GLMN: variants seen among roughly 807,000 people sequenced by gnomAD.
GLMN encodes glomulin.
Under a neutral mutation model 87.8 loss-of-function variants are expected in GLMN, and 75 were observed. That is an observed-to-expected ratio of 0.85 (90% CI 0.71 to 1.04). The LOEUF (loss-of-function observed/expected upper bound fraction) is 1.04, where lower values mean the gene tolerates loss of function less well. Among genes scored for constraint, GLMN ranks in the 50% least tolerant of loss-of-function variants. The pLI is 0.00. For synonymous variants in GLMN, 206 were observed against 221.6 expected (o/e 0.93, Z 0.63); for missense variants, 588 against 658.8 (o/e 0.89, Z 1.18).
At chr1:92,329,871 A>G in the GLMN span, among the ~76,000 whole-genome samples, 1 of 152,240 alleles carries the variant, frequency 6.6e-6, no homozygotes. Context: ...TGGTCTCATC[A>G]TAAATCACAT....
At chr1:92,249,086 A>G (rs1309029723) in intron 16 of GLMN, among the ~76,000 whole-genome samples, 3 of 152,118 alleles carry the variant, frequency 2.0e-5, no homozygotes, top group African/African-American at 7.2e-5. Flanking sequence ...AAAACTATAC[A>G]GCCATTAAAA....
intron 11 of GLMN, among the ~76,000 whole-genome samples, 189 bp downstream of exon 11, chr1:92,267,724 C>T (rs930393647): frequency 2.0e-5 from 3 of 151,628 alleles, no homozygotes; most frequent in African/African-American, 7.3e-5. Flanking sequence ...AAAATAGTTC[C>T]TTAGTCACAT....
At chr1:92,360,735 CCTGTT>C in the GLMN span, among the ~76,000 whole-genome samples, 1 of 152,126 alleles carries the variant, frequency 6.6e-6, no homozygotes, top group African/African-American at 2.4e-5. Context: ...CATTTTGCCT[CCTGTT>C]CTTAATTTCA....
upstream of GLMN, chr1:92,300,371 G>A (rs1319368684): frequency 2.9e-6 from 2 of 699,384 alleles, no homozygotes; most frequent in Non-Finnish European, 4.8e-6. Context: ...GAAAGATCTG[G>A]GAAGGCCTAT....
At chr1:92,329,847 G>A in the GLMN span, among the ~76,000 whole-genome samples, 7 of 152,262 alleles carry the variant, frequency 4.6e-5, no homozygotes, top group South Asian at 6.2e-4. Context: ...TGACATTAGC[G>A]TATGAATTGG....
the GLMN span, among the ~76,000 whole-genome samples, chr1:92,309,328 G>A: frequency 6.6e-6 from 1 of 151,786 alleles, no homozygotes; most frequent in East Asian, 2.0e-4. Flanking sequence ...TGTAGTCTCA[G>A]CTACTCAGGA....
the GLMN span, among the ~76,000 whole-genome samples, chr1:92,309,770 A>C: frequency 6.6e-6 from 1 of 152,220 alleles, no homozygotes; most frequent in African/African-American, 2.4e-5. Flanking sequence ...CTGTGAGCAA[A>C]AGTGAGAAAA....
At chr1:92,335,547 T>C in the GLMN span, among the ~76,000 whole-genome samples, 1 of 152,160 alleles carries the variant, frequency 6.6e-6, no homozygotes, top group Non-Finnish European at 1.5e-5. Flanking sequence ...TGTATATTCA[T>C]TCTATTTGGT....
chr1:92,251,078 G>A (rs75133924), intron 16 of GLMN, among the ~76,000 whole-genome samples: 7,318 of 152,108 alleles, frequency 0.048, 599 homozygotes, highest in African/African-American at 0.17. Context: ...AAAACTCTTT[G>A]TGGCAGAAAT....
At chr1:92,268,451 G>A (rs1274921514) in intron 9 of GLMN, among the ~76,000 whole-genome samples, 1 of 152,164 alleles carries the variant, frequency 6.6e-6, no homozygotes, top group African/African-American at 2.4e-5. Flanking sequence ...TATTCCAGTT[G>A]ATTATTCTGT....
At chr1:92,299,801 A>G (rs1219107255), upstream of GLMN, among the ~76,000 whole-genome samples, 1 of 152,220 alleles carries the variant, frequency 6.6e-6, no homozygotes, top group Non-Finnish European at 1.5e-5. Flanking sequence ...GGTGGTCTAC[A>G]GTTTGTTATT....
chr1:92,298,738 G>A (rs1650490087), intron 1 of GLMN, among the ~76,000 whole-genome samples, 187 bp downstream of exon 1: 1 of 152,130 alleles, frequency 6.6e-6, no homozygotes, highest in Non-Finnish European at 1.5e-5. Flanking sequence ...GCGCTGGAAG[G>A]CGAGTGAACA....
rs141468230 is a variant in GLMN, at chr1:92,246,602, A to G, written c.1713T>C (p.Val571=). 1.1e-5 allele frequency: 17 copies of G among 1,598,604 alleles called. No individual in the cohort carries two copies. Among genetic ancestry groups the G allele is most frequent in the Non-Finnish European group, 1.4e-5 (16 of 1,166,034 alleles). ...CAATGAGTTCTTCCACTCGAGCTAG[A>G]ACACTTTCAATCAAATCAAATGTGA... ...ALFTFDLIES[V]LARVEELIEI... The change falls in exon 19 of 19, where the codon GTT becomes GTC. Residue 571 remains valine, a synonymous_variant. Coordinates refer to ENST00000370360, the MANE Select transcript of GLMN (RefSeq NM_053274.3).
chr1:92,255,929 TAG>T (rs1372462560), intron 16 of GLMN, among the ~76,000 whole-genome samples: 1 of 151,968 alleles, frequency 6.6e-6, no homozygotes, highest in Non-Finnish European at 1.5e-5. Flanking sequence ...CAACTGGAGA[TAG>T]AGACGCAAAA....
intron 6 of GLMN, among the ~76,000 whole-genome samples, chr1:92,287,632 G>A (rs774360931): frequency 1.3e-5 from 2 of 152,052 alleles, no homozygotes; most frequent in Non-Finnish European, 2.9e-5. Flanking sequence ...GAGCCACCAC[G>A]TCTGGCTGTA....
chr1:92,326,560 G>A, the GLMN span, among the ~76,000 whole-genome samples: 13 of 152,300 alleles, frequency 8.5e-5, no homozygotes, highest in East Asian at 2.5e-3. Flanking sequence ...CTACCGGAGT[G>A]GGTAGGGAAG....
chr1:92,269,895 C>T (rs1048268753), intron 8 of GLMN, 119 bp from the exon 9 acceptor site: 6 of 678,538 alleles, frequency 8.8e-6, no homozygotes, highest in Non-Finnish European at 1.6e-5. Flanking sequence ...GGAGTCCTAA[C>T]CTCTAGTACC....
chr1:92,294,863 G>A (rs1649838772), intron 3 of GLMN, among the ~76,000 whole-genome samples: 1 of 152,116 alleles, frequency 6.6e-6, no homozygotes. Context: ...ATTTTTAGTG[G>A]AGACAGGGTT....
In GLMN at chr1:92,268,110, C is replaced by T; in HGVS notation, c.1003G>A (p.Gly335Arg). ...AATGGGAACAAACATCTTACCAATC[C>T]TTTGGAGATAACAGACTCTTCTGTT... ...QRTEESVISK[G>R]LELLENSLLR... The change falls in exon 10 of 19, where the codon GGA becomes AGA. Residue 335 changes from glycine (G) to arginine (R), a missense_variant. Gly to Arg is a moderately radical substitution (Grantham distance 125). Transcript: ENST00000370360. The T allele has an allele frequency of 6.9e-7, 1 of 1,455,082 alleles. No homozygotes were observed. Among genetic ancestry groups the T allele is most frequent in the South Asian group, 1.1e-5 (1 of 87,458 alleles). 90.1% of individuals were successfully genotyped at this position (1,455,082 alleles called of 1,614,324 possible).
Sources: allele counts gnomAD v4.1 joint callset (sites outside exome capture counted in the v4.1 genomes callset), GRCh38; gene constraint gnomAD v4.1.1; transcripts MANE v1.5; gene names NCBI Gene and HGNC (gene_info 2026-07-23, HGNC 2026-07-21).